Variants in STIM1 observed in about 807,000 individuals in gnomAD.
STIM1 encodes stromal interaction molecule 1.
In STIM1, 25 loss-of-function variants were observed where a neutral mutation model predicts 74.7. The observed-to-expected ratio is 0.33, with a 90% CI of 0.24 to 0.47. The LOEUF is 0.47. Among genes scored for constraint, STIM1 ranks in the 20% least tolerant of loss-of-function variants. The probability of loss-of-function intolerance (pLI) is 1.00; values close to 1 mark genes in which losing one functional copy is unlikely to be tolerated. For synonymous variants in STIM1, 328 were observed against 348.8 expected (o/e 0.94, Z 0.66); for missense variants, 728 against 920.8 (o/e 0.79, Z 2.71).
intron 1 of STIM1, among the ~76,000 whole-genome samples, chr11:3,900,218 G>C (rs1264595962): frequency 6.6e-6 from 1 of 152,132 alleles, no homozygotes; most frequent in Non-Finnish European, 1.5e-5. Context: ...AAGACTCCCT[G>C]GGCGTATGAC....
At chr11:3,941,466 T>C (rs1481724649) in intron 1 of STIM1, among the ~76,000 whole-genome samples, 2 of 152,036 alleles carry the variant, frequency 1.3e-5, no homozygotes, top group Non-Finnish European at 2.9e-5. Flanking sequence ...AAGTAATTCT[T>C]GGTAGGGTTA....
At chr11:3,964,120 C>G (rs2093317291) in intron 1 of STIM1, among the ~76,000 whole-genome samples, 2 of 152,168 alleles carry the variant, frequency 1.3e-5, no homozygotes. Context: ...TTAACTTGTC[C>G]AATATCTTAT....
At chr11:4,056,106 G>C (rs531971248) in intron 4 of STIM1, among the ~76,000 whole-genome samples, 53 of 152,184 alleles carry the variant, frequency 3.5e-4, no homozygotes, top group African/African-American at 1.2e-3. Flanking sequence ...CCTGTGCCCT[G>C]AGCAGCTGCC....
chr11:4,054,661 C>A (rs1175294031), intron 3 of STIM1, among the ~76,000 whole-genome samples: 1 of 152,220 alleles, frequency 6.6e-6, no homozygotes, highest in African/African-American at 2.4e-5. Context: ...AACCATCTCC[C>A]TGCCCAGGTC....
chr11:4,028,876 C>G (rs2094022526), intron 3 of STIM1, among the ~76,000 whole-genome samples: 1 of 151,964 alleles, frequency 6.6e-6, no homozygotes, highest in Admixed American at 6.6e-5. Flanking sequence ...GTTTTTGTTT[C>G]CAAAAGCCTG....
intron 1 of STIM1, among the ~76,000 whole-genome samples, chr11:3,965,683 A>C (rs147865737): frequency 1.3e-5 from 2 of 152,338 alleles, no homozygotes; most frequent in East Asian, 1.9e-4. Context: ...TTTTGTATGC[A>C]TACTGTTTAT....
At chr11:3,966,012 A>G (rs2093337127) in intron 1 of STIM1, among the ~76,000 whole-genome samples, 1 of 139,386 alleles carries the variant, frequency 7.2e-6, no homozygotes, top group Non-Finnish European at 1.5e-5. Flanking sequence ...GTCTCAAAAA[A>G]CAAACAAACA....
At chr11:3,930,115 A>T (rs960209361) in intron 1 of STIM1, among the ~76,000 whole-genome samples, 3 of 152,186 alleles carry the variant, frequency 2.0e-5, no homozygotes, top group Non-Finnish European at 2.9e-5. Context: ...AATGCTTAGC[A>T]TTTAGGAGGA....
intron 1 of STIM1, among the ~76,000 whole-genome samples, chr11:3,920,303 A>G (rs2092702290): frequency 6.6e-6 from 1 of 151,950 alleles, no homozygotes; most frequent in South Asian, 2.1e-4. Flanking sequence ...CGTTACCACT[A>G]TCTAATTTCA....
At chr11:3,930,573 A>T (rs571023062) in intron 1 of STIM1, among the ~76,000 whole-genome samples, 1 of 152,324 alleles carries the variant, frequency 6.6e-6, no homozygotes, top group East Asian at 1.9e-4. Flanking sequence ...CCTACTGTAC[A>T]GGTCCATGTG....
At chr11:3,857,996 G>A (rs998036796) in intron 1 of STIM1, among the ~76,000 whole-genome samples, 1 of 152,166 alleles carries the variant, frequency 6.6e-6, no homozygotes, top group African/African-American at 2.4e-5. Context: ...TTCTTATTGG[G>A]CTATGAAGGG....
intron 1 of STIM1, among the ~76,000 whole-genome samples, chr11:3,870,378 T>C (rs117595355): frequency 2.0e-5 from 3 of 152,334 alleles, no homozygotes; most frequent in Non-Finnish European, 4.4e-5. Context: ...GTAACAAGAT[T>C]GCTTTTCCTC....
chr11:3,895,666 CT>C (rs1247101359), intron 1 of STIM1, among the ~76,000 whole-genome samples: 50 of 41,688 alleles, frequency 1.2e-3, no homozygotes, highest in African/African-American at 3.6e-3. Flanking sequence ...TTCTTTCTTT[CT>C]TTCTTTCCTT....
rs1054289646 is a variant in STIM1, at chr11:3,873,192, G to T, written c.139+16783G>T. 2.0e-5 allele frequency among the ~76,000 whole-genome samples: 3 copies of T among 152,010 alleles called. No individual in the cohort carries two copies. In the East Asian group the frequency reaches 5.8e-4, roughly 29 times the overall value. The stretch of plus-strand genomic sequence containing the variant: ...GCACTTTGGGAGGCCAAGGCGGGTG[G>T]ATCACCTGAGGTAGGGAGTTCGAGA... On this transcript the variant is annotated intron_variant, in intron 1 of 12. Coordinates refer to ENST00000526596, the MANE Select transcript of STIM1 (RefSeq NM_001382567.1).
At chr11:3,946,021 C>T (rs1051845098) in intron 1 of STIM1, among the ~76,000 whole-genome samples, 1 of 152,112 alleles carries the variant, frequency 6.6e-6, no homozygotes, top group African/African-American at 2.4e-5. Flanking sequence ...AGGAGGGATC[C>T]GCCCCCATGA....
intron 2 of STIM1, among the ~76,000 whole-genome samples, chr11:4,015,870 C>A (rs189358994): frequency 1.3e-5 from 2 of 152,132 alleles, no homozygotes. Flanking sequence ...ATGAAGTTCT[C>A]GTACTGTGGT....
intron 2 of STIM1, among the ~76,000 whole-genome samples, chr11:4,022,226 T>C (rs752188504): frequency 1.3e-5 from 2 of 150,860 alleles, no homozygotes; most frequent in Non-Finnish European, 2.9e-5. Context: ...TCCCAGCTAC[T>C]TGGGAGGCAG....
intron 1 of STIM1, among the ~76,000 whole-genome samples, chr11:3,966,310 A>C (rs758679891): frequency 1.3e-5 from 2 of 152,202 alleles, no homozygotes; most frequent in Non-Finnish European, 2.9e-5. Flanking sequence ...TTTAAAATTT[A>C]ATATTTATAC....
In STIM1 at chr11:3,855,710, T is replaced by C. The variant is rs1315410821; in HGVS notation, c.-561T>C. ...CCGGTGTGCGTCCGCCTGCTGGACC[T>C]GGGCACCGCCAGCCGCCTGGGCACG... On this transcript the variant is annotated 5_prime_UTR_variant, in exon 1 of 13. Coordinates refer to ENST00000526596, the MANE Select transcript of STIM1 (RefSeq NM_001382567.1). The C allele has an allele frequency of 6.6e-6, 1 of 151,984 alleles. No individual in the cohort carries two copies. The highest frequency in any genetic ancestry group is 2.4e-5 in the African/African-American group (1 of 41,256). 9.4% of individuals were successfully genotyped at this position (151,984 alleles called of 1,614,324 possible).
Sources: gnomAD v4.1 joint callset for allele counts (sites outside exome capture counted in the v4.1 genomes callset) on GRCh38, gnomAD v4.1.1 for gene constraint, MANE v1.5 for transcripts, NCBI Gene and HGNC (gene_info 2026-07-23, HGNC 2026-07-21) for gene names.